Variants in SETD3 observed in about 807,000 individuals in gnomAD.
SETD3 encodes the protein actin-histidine N-methyltransferase.
In SETD3, 19 loss-of-function variants were observed where a neutral mutation model predicts 63.0. The ratio of observed to expected loss-of-function variants is 0.30; its 90% CI spans 0.21 to 0.44. The LOEUF (loss-of-function observed/expected upper bound fraction) is 0.44. Ranked by LOEUF, SETD3 falls within the 20% of genes least tolerant of loss-of-function variation. The probability of loss-of-function intolerance (pLI) is 1.00; values close to 1 mark genes in which losing one functional copy is unlikely to be tolerated. For synonymous variants in SETD3, 286 were observed against 264.1 expected, an observed-to-expected ratio of 1.08 and a Z score of -0.80; for missense variants, 587 against 728.5, an observed-to-expected ratio of 0.81 and a Z score of 2.24.
intron 6 of SETD3, 108 bp downstream of exon 6, chr14:99,458,171 A>C: frequency 7.9e-7 from 1 of 1,269,674 alleles, no homozygotes; most frequent in Non-Finnish European, 1.1e-6. Flanking sequence ...TAAAAAGTAA[A>C]ATGTTTAAGT....
intron 1 of SETD3, among the ~76,000 whole-genome samples, chr14:99,469,984 G>A (rs8011858): frequency 0.46 from 70,268 of 151,998 alleles, 17,264 homozygotes; most frequent in Non-Finnish European, 0.56. Flanking sequence ...GGTTTCTTTC[G>A]CTCACACGTC....
chr14:99,418,761 G>A (rs948622950), intron 6 of SETD3, among the ~76,000 whole-genome samples: 3 of 152,186 alleles, frequency 2.0e-5, no homozygotes, highest in African/African-American at 7.2e-5. Flanking sequence ...AGCAGAGAGA[G>A]AGTAAGAAGA....
intron 6 of SETD3, among the ~76,000 whole-genome samples, chr14:99,446,492 C>A (rs1220685880): frequency 2.0e-5 from 3 of 152,142 alleles, no homozygotes; most frequent in African/African-American, 7.2e-5. Context: ...GGTTAGGATG[C>A]CAGCCCCAAG....
At chr14:99,475,118 T>C (rs1209224292) in intron 1 of SETD3, among the ~76,000 whole-genome samples, 2 of 152,136 alleles carry the variant, frequency 1.3e-5, no homozygotes, top group East Asian at 1.9e-4. Context: ...AAAAAGACAA[T>C]GTTATGTGTG....
In SETD3 at chr14:99,398,882, C is replaced by T. The variant is rs1406096182; in HGVS notation, c.1582G>A (p.Glu528Lys). The T allele has an allele frequency of 6.2e-7, 1 of 1,614,192 alleles. No individual in the cohort carries two copies. Among genetic ancestry groups the T allele is most frequent in the South Asian group, 1.1e-5 (1 of 91,088 alleles). ...RLPLVLRNLE[E>K]EAGVQDALNI... ...AAGGCATCCTGCACTCCAGCCTCCT[C>T]CTCGAGGTTTCTCAAGACCAGGGGG... The change falls in exon 13 of 13, where the codon GAG becomes AAG. Residue 528 changes from glutamate (E) to lysine (K), a missense_variant. By Grantham distance (56) the Glu-to-Lys change is moderately conservative (BLOSUM62 1). Transcript: ENST00000331768.
intron 1 of SETD3, among the ~76,000 whole-genome samples, chr14:99,476,071 T>C (rs1374742782): frequency 1.3e-5 from 2 of 152,242 alleles, no homozygotes; most frequent in African/African-American, 4.8e-5. Flanking sequence ...TGGGCATTTA[T>C]TATATGATCA....
At position 99,454,551 on chromosome 14, in the gene SETD3, A is replaced by C. The variant is rs530961772; in HGVS notation, c.675+3728T>G. On this transcript the variant is annotated intron_variant, in intron 6 of 12. Coordinates refer to ENST00000331768, the MANE Select transcript of SETD3 (RefSeq NM_032233.3). ...GAAGTGATTTAAAACAAAACAAAAC[A>C]AAACCAAATAACATGGCCTGAGGGT... Among the ~76,000 whole-genome samples the C allele has an allele frequency of 2.6e-5, 4 of 152,362 alleles. No homozygotes were observed. In the East Asian group the frequency reaches 5.8e-4, roughly 22 times the overall value.
At chr14:99,452,452 G>A (rs1215610477) in intron 6 of SETD3, among the ~76,000 whole-genome samples, 1 of 152,188 alleles carries the variant, frequency 6.6e-6, no homozygotes, top group East Asian at 1.9e-4. Flanking sequence ...AAAGACAGAA[G>A]GTGATCTGAA....
chr14:99,485,509 T>A (rs865956438), upstream of SETD3, among the ~76,000 whole-genome samples: 1 of 152,364 alleles, frequency 6.6e-6, no homozygotes, highest in African/African-American at 2.4e-5. Flanking sequence ...TTTCTTGCTG[T>A]GCTTTTTATT....
rs1891212870 is a variant in SETD3, at chr14:99,398,713, G to C, written c.1751C>G (p.Ser584Cys). The change falls in exon 13 of 13, where the codon TCT becomes TGT. Residue 584 changes from serine (S) to cysteine (C), a missense_variant. By Grantham distance (112) the Ser-to-Cys change is moderately radical (BLOSUM62 -1). Coordinates refer to ENST00000331768, the MANE Select transcript of SETD3 (RefSeq NM_032233.3). ...AACTCCAGCAGTGCTGTCTGAAGAA[G>C]ATCCTTTGGCGTCTTCAACTGCTCT... Reference protein sequence around the residue: ...SKRAVEDAKGSSSDSTAGVKE With the variant: ...SKRAVEDAKGCSSDSTAGVKE The C allele has an allele frequency of 6.2e-7, 1 of 1,614,056 alleles. No homozygotes were observed. Among genetic ancestry groups the C allele is most frequent in the Admixed American group, 1.7e-5 (1 of 60,010 alleles).
At chr14:99,438,169 T>G (rs1566709284) in intron 6 of SETD3, among the ~76,000 whole-genome samples, 1 of 152,198 alleles carries the variant, frequency 6.6e-6, no homozygotes, top group Non-Finnish European at 1.5e-5. Context: ...ACTGATATAT[T>G]TAAATTGAAA....
chr14:99,404,616 T>A (rs981988462), intron 10 of SETD3, among the ~76,000 whole-genome samples: 1 of 125,196 alleles, frequency 8.0e-6, no homozygotes, highest in Non-Finnish European at 1.8e-5. Context: ...ACATGGTTTT[T>A]AAAAAGTGTT....
chr14:99,430,566 A>G (rs1344122940), intron 6 of SETD3, among the ~76,000 whole-genome samples: 1 of 152,234 alleles, frequency 6.6e-6, no homozygotes, highest in Non-Finnish European at 1.5e-5. Context: ...TGACCTGCAA[A>G]CAACGAACAT....
intron 2 of SETD3, 56 bp downstream of exon 2, chr14:99,465,644 AAAG>A (rs747999163): frequency 1.1e-4 from 152 of 1,389,140 alleles, no homozygotes; most frequent in Middle Eastern, 7.2e-4. Context: ...TTCTGGTGAC[AAAG>A]AAGAAAAAGG....
intron 8 of SETD3, 87 bp from the exon 9 acceptor site, chr14:99,406,677 G>A: frequency 1.1e-5 from 14 of 1,302,962 alleles, no homozygotes; most frequent in Admixed American, 7.4e-5. Context: ...GGCAATCAGA[G>A]GAAAAAGGGG....
intron 11 of SETD3, 103 bp from the exon 12 acceptor site, chr14:99,400,362 T>C (rs1055979342): frequency 7.8e-7 from 1 of 1,277,862 alleles, no homozygotes; most frequent in Admixed American, 2.1e-5. Flanking sequence ...AACGCCATTT[T>C]CCCACGGTAA....
At chr14:99,437,007 G>A (rs1419507402) in intron 6 of SETD3, among the ~76,000 whole-genome samples, 1 of 152,210 alleles carries the variant, frequency 6.6e-6, no homozygotes, top group Non-Finnish European at 1.5e-5. Context: ...AGTCAGCACA[G>A]TACCGTGGAT....
rs534046277 is a variant in SETD3, at chr14:99,408,752, T to C, written c.850-2162A>G. 1.1e-4 allele frequency among the ~76,000 whole-genome samples: 17 copies of C among 152,248 alleles called. 1 individual carries two copies. The South Asian group carries it at 3.3e-3, about 30-fold the overall frequency. On this transcript the variant is annotated intron_variant, in intron 8 of 12. Transcript: ENST00000331768. ...AGGGTCAGAATGTTTGGAGGCTGAGTGTCTAACTTCTTTGTGTGGCACTGC... is the reference window on the plus strand; with the variant it reads ...AGGGTCAGAATGTTTGGAGGCTGAGCGTCTAACTTCTTTGTGTGGCACTGC...
intron 3 of SETD3, among the ~76,000 whole-genome samples, chr14:99,462,043 G>A (rs1895093893): frequency 6.6e-6 from 1 of 152,144 alleles, no homozygotes; most frequent in Non-Finnish European, 1.5e-5. Flanking sequence ...CTGCAAGGAG[G>A]GAGGGAATGG....
Sources: gnomAD v4.1 joint callset for allele counts (sites outside exome capture counted in the v4.1 genomes callset) on GRCh38, gnomAD v4.1.1 for gene constraint, MANE v1.5 for transcripts, NCBI Gene and HGNC (gene_info 2026-07-23, HGNC 2026-07-21) for gene names.